PRRC2B: variants seen among roughly 807,000 people sequenced by gnomAD.
The protein encoded by PRRC2B is proline rich coiled-coil 2B.
In PRRC2B, 68 loss-of-function variants were observed where a neutral mutation model predicts 242.3. The observed-to-expected ratio is 0.28, with a 90% CI of 0.23 to 0.34. The LOEUF is 0.34. Among genes scored for constraint, PRRC2B ranks in the 10% least tolerant of loss-of-function variants. The pLI is 1.00. For missense variants in PRRC2B, 2,835 were observed against 2,954.8 expected, an observed-to-expected ratio of 0.96 and a Z score of 0.94; for synonymous variants, 1,228 against 1,173.6, an observed-to-expected ratio of 1.05 and a Z score of -0.95.
chr9:131,396,703 C>T (rs1021998214), intron 1 of PRRC2B, among the ~76,000 whole-genome samples: 2 of 152,010 alleles, frequency 1.3e-5, no homozygotes, highest in African/African-American at 4.8e-5. Flanking sequence ...ATTCTATGGC[C>T]GGCTAATGTT....
At chr9:131,440,046 C>T (rs1015973655) in intron 5 of PRRC2B, among the ~76,000 whole-genome samples, 10 of 152,120 alleles carry the variant, frequency 6.6e-5, no homozygotes, top group East Asian at 1.9e-4. Context: ...TGCACCACCA[C>T]GCCTGGCTTA....
intron 1 of PRRC2B, among the ~76,000 whole-genome samples, chr9:131,383,916 C>T (rs568800482): frequency 5.2e-4 from 79 of 151,550 alleles, no homozygotes; most frequent in African/African-American, 1.7e-3. Flanking sequence ...TCACTGCGCC[C>T]GGCCGGTTTT....
chr9:131,481,146 A>T (rs542983259), intron 19 of PRRC2B, among the ~76,000 whole-genome samples: 56 of 151,826 alleles, frequency 3.7e-4, no homozygotes, highest in African/African-American at 1.4e-3. Flanking sequence ...CTAAAAATAC[A>T]ACAACAACAA....
At chr9:131,489,556 A>G (rs1018945171) in intron 28 of PRRC2B, among the ~76,000 whole-genome samples, 1 of 151,838 alleles carries the variant, frequency 6.6e-6, no homozygotes, top group Admixed American at 6.6e-5. Context: ...GCCGAGCCAC[A>G]TGGCCTTTGC....
intron 10 of PRRC2B, 39 bp downstream of exon 10, chr9:131,455,205 C>A (rs560609566): frequency 3.6e-6 from 5 of 1,399,546 alleles, no homozygotes; most frequent in Non-Finnish European, 5.0e-6. Context: ...TGAGTGCATC[C>A]CTGCTTAGTG....
chr9:131,445,936 C>G (rs1357022413), intron 6 of PRRC2B, among the ~76,000 whole-genome samples: 1 of 152,206 alleles, frequency 6.6e-6, no homozygotes, highest in Non-Finnish European at 1.5e-5. Flanking sequence ...GTCTTGTGGG[C>G]TGGGGGATCT....
intron 5 of PRRC2B, among the ~76,000 whole-genome samples, chr9:131,440,051 G>A (rs769408908): frequency 5.3e-5 from 8 of 151,990 alleles, no homozygotes; most frequent in Non-Finnish European, 1.0e-4. Flanking sequence ...CACCACGCCT[G>A]GCTTATTGAT....
intron 12 of PRRC2B, among the ~76,000 whole-genome samples, chr9:131,465,335 A>C (rs937797182): frequency 1.1e-4 from 17 of 152,134 alleles, no homozygotes; most frequent in African/African-American, 4.1e-4. Context: ...TTGGGGTATG[A>C]ATGATCCTAT....
intron 1 of PRRC2B, among the ~76,000 whole-genome samples, chr9:131,384,854 C>A (rs914937941): frequency 6.6e-6 from 1 of 152,092 alleles, no homozygotes; most frequent in Non-Finnish European, 1.5e-5. Context: ...CGCGCCTGGT[C>A]GAAGGAGACA....
intron 23 of PRRC2B, among the ~76,000 whole-genome samples, chr9:131,483,682 C>T (rs1418345076): frequency 6.6e-6 from 1 of 152,220 alleles, no homozygotes; most frequent in African/African-American, 2.4e-5. Context: ...CCATTGTCTC[C>T]TCTGTGCCAG....
intron 1 of PRRC2B, among the ~76,000 whole-genome samples, chr9:131,416,225 C>T (rs767607490): frequency 5.9e-5 from 9 of 152,106 alleles, no homozygotes; most frequent in Non-Finnish European, 1.3e-4. Context: ...TCTTCTGCCT[C>T]AGCCTCCTGA....
chr9:131,495,627 C>A, intron 31 of PRRC2B, 113 bp from the exon 32 acceptor site: 1 of 1,267,374 alleles, frequency 7.9e-7, no homozygotes, highest in African/African-American at 1.5e-5. Flanking sequence ...GGACTGACAA[C>A]TTAGGGGAGC....
intron 10 of PRRC2B, among the ~76,000 whole-genome samples, chr9:131,455,570 G>A (rs887341962): frequency 6.8e-6 from 1 of 147,128 alleles, no homozygotes; most frequent in Non-Finnish European, 1.5e-5. Flanking sequence ...AGGCTGGAGT[G>A]CGGTGGCATG....
At position 131,477,757 on chromosome 9, in the gene PRRC2B, G is replaced by T; in HGVS notation, c.4420G>T (p.Ala1474Ser). The T allele has an allele frequency of 6.2e-7, 1 of 1,605,028 alleles. No homozygotes were observed. Among genetic ancestry groups the T allele is most frequent in the Non-Finnish European group, 8.5e-7 (1 of 1,175,288 alleles). ...PLKVKRSPDE[A>S]LPGGLSGCSS... is the part of the protein sequence containing the mutation. The stretch of plus-strand genomic sequence containing the variant: ...TTTCCCTTACAGATCCCCAGACGAG[G>T]CCTTGCCTGGAGGTCTTAGTGGCTG... Residue 1474 changes from alanine to serine, a missense_variant, in exon 17 of 32, where the codon GCC becomes TCC. By Grantham distance (99) the Ala-to-Ser change is moderately conservative (BLOSUM62 1). Around this residue, in one of 7 missense-constraint regions of PRRC2B, gnomAD observed 1,536 missense variants for 1,483.1 expected, o/e 1.04. Transcript: ENST00000683519.
chr9:131,482,606 A>G lies in PRRC2B; in HGVS notation c.5175+44A>G, dbSNP rs1160219138. 2 of 1,548,466 alleles carry G rather than the reference A, an allele frequency of 1.3e-6. No individual in the cohort carries two copies. Among genetic ancestry groups the G allele is most frequent in the East Asian group, 2.3e-5 (1 of 44,112 alleles). On this transcript the variant is annotated intron_variant, in intron 21 of 31. Transcript: ENST00000683519. This position sits in a 1 kb window ranked among gnomAD's most constrained non-coding sequence, Gnocchi z 5.2. The stretch of plus-strand genomic sequence containing the variant: ...TCACAGTGGCCAGGGCCTGGGTGGA[A>G]GGGGCCATCGTCTCATCATCTTCCT...
chr9:131,468,821 C>T (rs1943463506), intron 13 of PRRC2B, among the ~76,000 whole-genome samples: 1 of 152,170 alleles, frequency 6.6e-6, no homozygotes, highest in Non-Finnish European at 1.5e-5. Context: ...CTCACCTCAG[C>T]CTCTTCTCTC....
At chr9:131,376,636 T>C (rs1345254026) in intron 1 of PRRC2B, among the ~76,000 whole-genome samples, 1 of 151,942 alleles carries the variant, frequency 6.6e-6, no homozygotes, top group Non-Finnish European at 1.5e-5. Flanking sequence ...GAAGTGGGAG[T>C]GGAACCAGGA....
intron 5 of PRRC2B, among the ~76,000 whole-genome samples, chr9:131,442,070 G>A (rs766583366): frequency 6.6e-6 from 1 of 152,066 alleles, no homozygotes; most frequent in African/African-American, 2.4e-5. Context: ...GAAAGAGATG[G>A]AACAGCAATG....
Position 131,495,906 on chromosome 9 carries a change from C to T in PRRC2B, c.*32C>T. 6.3e-7 allele frequency: 1 copy of T among 1,590,158 alleles called. No homozygotes were observed. Among genetic ancestry groups the T allele is most frequent in the South Asian group, 1.1e-5 (1 of 90,678 alleles). ...CTGGCTGCCACCTCGCCTCTCCCTA[C>T]TGAGGACGGTGCCGCCATGCGGCCT... is the stretch of plus-strand genomic sequence containing the variant. On this transcript the variant is annotated 3_prime_UTR_variant, in exon 32 of 32. Transcript: ENST00000683519.
Sources: allele counts gnomAD v4.1 joint callset (sites outside exome capture counted in the v4.1 genomes callset), GRCh38; gene constraint gnomAD v4.1.1; regional missense constraint gnomAD v4.1.1; non-coding constraint Gnocchi (gnomAD v3.1); transcripts MANE v1.5; gene names NCBI Gene and HGNC (gene_info 2026-07-23, HGNC 2026-07-21).